The following TSACC variants were observed in gnomAD, a reference collection of about 807,000 sequenced individuals.
The protein encoded by TSACC is TSSK6 activating cochaperone.
TSACC carries 3 observed loss-of-function variants against 6.9 expected under a neutral mutation model. The ratio of observed to expected loss-of-function variants is 0.43; its 90% CI spans 0.20 to 1.12. The LOEUF (loss-of-function observed/expected upper bound fraction) is 1.12. TSACC is among the 50% of genes most tolerant of loss of function. The pLI is 0.28. For missense variants in TSACC, 137 were observed against 143.9 expected, an observed-to-expected ratio of 0.95 and a Z score of 0.24; for synonymous variants, 54 against 55.1, an observed-to-expected ratio of 0.98 and a Z score of 0.09.
intron 3 of TSACC, among the ~76,000 whole-genome samples, chr1:156,346,288 C>T (rs1346114710): frequency 6.6e-6 from 1 of 151,498 alleles, no homozygotes; most frequent in East Asian, 1.9e-4. Context: ...GCTAATGATA[C>T]ACTATGTCAA....
chr1:156,340,720 C>T (rs757657421), intron 2 of TSACC, among the ~76,000 whole-genome samples: 33 of 152,242 alleles, frequency 2.2e-4, no homozygotes, highest in Admixed American at 1.0e-3. Context: ...CTCGGCCTCC[C>T]GAAGTGCTGG....
chr1:156,338,503 G>C, upstream of TSACC: 3 of 514,024 alleles, frequency 5.8e-6, no homozygotes, highest in Non-Finnish European at 7.0e-6. Flanking sequence ...CGCGAACGTC[G>C]GCGCAGGCGC....
At chr1:156,345,709 A>C (rs1666132949) in intron 3 of TSACC, among the ~76,000 whole-genome samples, 1 of 150,946 alleles carries the variant, frequency 6.6e-6, no homozygotes, top group African/African-American at 2.4e-5. Flanking sequence ...CTCTACTAAA[A>C]ATACAAAAAT....
rs1429919493 is a variant in TSACC at position 156,338,647 on chromosome 1, G to T, written c.-125+42G>T. 2.3e-5 allele frequency: 4 copies of T among 176,594 alleles called. No individual in the cohort carries two copies. The East Asian group carries it at 6.3e-4, about 28-fold the overall frequency. The allele number at this position is 176,594 out of a possible 1,614,324, so 10.9% of individuals were successfully genotyped here. ...GTGTATTGCGACTCGGCTCCTATCGGACCGTGAAGGCTAAGAAAGGCTTCA... is the reference window on the plus strand; with the variant it reads ...GTGTATTGCGACTCGGCTCCTATCGTACCGTGAAGGCTAAGAAAGGCTTCA... On this transcript the variant is annotated intron_variant, in intron 1 of 3. Transcript: ENST00000368254.
upstream of TSACC, chr1:156,338,035 G>A: frequency 9.0e-7 from 1 of 1,114,426 alleles, no homozygotes; most frequent in Non-Finnish European, 1.3e-6. Context: ...CCAAAATGAA[G>A]ACGATGATTG....
chr1:156,342,087 A>G (rs1473758244), intron 2 of TSACC, among the ~76,000 whole-genome samples: 9 of 152,076 alleles, frequency 5.9e-5, no homozygotes, highest in African/African-American at 2.2e-4. Flanking sequence ...AAGAAAGAAA[A>G]AAAAATGCAT....
At chr1:156,339,883 C>G in intron 2 of TSACC, 92 bp downstream of exon 2, 1 of 1,361,816 alleles carries the variant, frequency 7.3e-7, no homozygotes, top group South Asian at 1.2e-5. Context: ...ATTCCCAGCA[C>G]CTAGAACTGG....
In TSACC at chr1:156,346,950, T is replaced by C. The variant is rs56410778; in HGVS notation, c.346T>C (p.Leu116=). Residue 116 remains leucine, a synonymous_variant, in exon 4 of 4, where the codon TTG becomes CTG. Transcript: ENST00000368254. The part of the protein sequence containing the change: ...SSLPALSPNP[L]LNHLPQFSK ...TCTCCCAGCCTTATCTCCTAATCCATTGTTAAATCACCTGCCCCAATTCAG... is the reference window on the plus strand; with the variant it reads ...TCTCCCAGCCTTATCTCCTAATCCACTGTTAAATCACCTGCCCCAATTCAG... 40,186 of 1,614,080 alleles carry C rather than the reference T, an allele frequency of 0.025. 614 individuals carry two copies. The highest frequency in any genetic ancestry group is 0.031 in the Non-Finnish European group (36,401 of 1,179,950).
intron 2 of TSACC, among the ~76,000 whole-genome samples, chr1:156,343,730 T>A (rs937107048): frequency 4.6e-5 from 7 of 151,940 alleles, no homozygotes; most frequent in South Asian, 2.1e-4. Flanking sequence ...CTTCTCAAGT[T>A]TTTTGTTGTT....
upstream of TSACC, among the ~76,000 whole-genome samples, chr1:156,337,947 G>A (rs1665515419): frequency 6.6e-6 from 1 of 152,158 alleles, no homozygotes. Context: ...AAGAGGCTCG[G>A]CGAGAATAAG....
chr1:156,344,458 C>T (rs1666055473), intron 2 of TSACC, 122 bp from the exon 3 acceptor site: 3 of 1,362,792 alleles, frequency 2.2e-6, no homozygotes, highest in Non-Finnish European at 9.9e-7. Flanking sequence ...ATGTATCTTT[C>T]TGATATGTAA....
intron 2 of TSACC, among the ~76,000 whole-genome samples, chr1:156,342,869 T>C (rs1665971760): frequency 6.6e-6 from 1 of 152,252 alleles, no homozygotes; most frequent in Admixed American, 6.5e-5. Flanking sequence ...CCATCCTTTC[T>C]TGATTTCATT....
At chr1:156,346,473 G>C (rs865773781) in intron 3 of TSACC, among the ~76,000 whole-genome samples, 2 of 152,170 alleles carry the variant, frequency 1.3e-5, no homozygotes, top group African/African-American at 4.8e-5. Context: ...TTACGTTCTA[G>C]AAGGGGGACT....
At chr1:156,346,123 G>GGT (rs1324387814) in intron 3 of TSACC, among the ~76,000 whole-genome samples, 1 of 151,402 alleles carries the variant, frequency 6.6e-6, no homozygotes, top group Non-Finnish European at 1.5e-5. Context: ...GAACCCAGGA[G>GGT]GTGGAGGTTG....
At chr1:156,340,189 C>T (rs192106426) in intron 2 of TSACC, among the ~76,000 whole-genome samples, 6 of 152,116 alleles carry the variant, frequency 3.9e-5, no homozygotes, top group South Asian at 2.1e-4. Flanking sequence ...GACGGAGTCT[C>T]GCTCTGTCAC....
chr1:156,346,748 C>T lies in TSACC; in HGVS notation c.164-20C>T, dbSNP rs778191263. ...TCTCTCCTTTGTTCCCTTGCACCTCCGTTGCTTTTCCTTCTGGAGTTGATC... is the reference window on the plus strand; with the variant it reads ...TCTCTCCTTTGTTCCCTTGCACCTCTGTTGCTTTTCCTTCTGGAGTTGATC... On this transcript the variant is annotated intron_variant, in intron 3 of 3. Coordinates refer to ENST00000368254, the MANE Select transcript of TSACC (RefSeq NM_001304817.2). 2.7e-5 allele frequency: 44 copies of T among 1,611,018 alleles called. 1 individual carries two copies. Among genetic ancestry groups the T allele is most frequent in the African/African-American group, 4.0e-5 (3 of 74,602 alleles).
At chr1:156,338,303 G>A, upstream of TSACC, 2 of 963,686 alleles carry the variant, frequency 2.1e-6, no homozygotes, top group Non-Finnish European at 3.2e-6. Context: ...ACCTCAACCC[G>A]CTACTCTCAA....
At chr1:156,338,177 C>G, upstream of TSACC, 1 of 1,588,610 alleles carries the variant, frequency 6.3e-7, no homozygotes, top group South Asian at 1.2e-5. Context: ...TGGACGATGG[C>G]CCATCATGGC....
At chr1:156,341,524 G>A (rs1248577932) in intron 2 of TSACC, among the ~76,000 whole-genome samples, 2 of 152,100 alleles carry the variant, frequency 1.3e-5, no homozygotes, top group African/African-American at 4.8e-5. Context: ...CCTACTTTAA[G>A]GGTCATTGTG....
Sources: gnomAD v4.1 joint callset for allele counts (sites outside exome capture counted in the v4.1 genomes callset) on GRCh38, gnomAD v4.1.1 for gene constraint, MANE v1.5 for transcripts, NCBI Gene and HGNC (gene_info 2026-07-23, HGNC 2026-07-21) for gene names.